The following MGAT4C variants were observed in gnomAD, a reference collection of about 807,000 sequenced individuals.
The protein encoded by MGAT4C is MGAT4 family member C.
In MGAT4C, 19 loss-of-function variants were observed where a neutral mutation model predicts 40.1. That is an observed-to-expected ratio of 0.47 (90% CI 0.33 to 0.70). MGAT4C has a LOEUF of 0.70. Ranked by LOEUF, MGAT4C falls within the 30% of genes least tolerant of loss-of-function variation. The pLI, the probability that MGAT4C is intolerant of heterozygous loss-of-function variation, is 0.02. For synonymous variants in MGAT4C, 181 were observed against 187.1 expected, an observed-to-expected ratio of 0.97 and a Z score of 0.27; for missense variants, 491 against 563.2, an observed-to-expected ratio of 0.87 and a Z score of 1.30.
At chr12:86,515,492 A>G (rs1958667333) in intron 2 of MGAT4C, among the ~76,000 whole-genome samples, 2 of 152,266 alleles carry the variant, frequency 1.3e-5, no homozygotes, top group East Asian at 3.9e-4. Flanking sequence ...CTAGCAAAGA[A>G]CAACTTAAAA....
intron 2 of MGAT4C, among the ~76,000 whole-genome samples, chr12:86,707,667 G>T (rs958225864): frequency 1.3e-5 from 2 of 151,696 alleles, no homozygotes; most frequent in Non-Finnish European, 2.9e-5. Context: ...AGTAGCTGGG[G>T]TTACAGGCAC....
chr12:86,693,287 C>T (rs1341857962), intron 2 of MGAT4C, among the ~76,000 whole-genome samples: 2 of 152,170 alleles, frequency 1.3e-5, no homozygotes, highest in Non-Finnish European at 2.9e-5. Flanking sequence ...TTAATTCATT[C>T]ATTGACCAGT....
At chr12:86,143,041 C>T (rs1883052878) in intron 1 of MGAT4C, among the ~76,000 whole-genome samples, 1 of 152,132 alleles carries the variant, frequency 6.6e-6, no homozygotes, top group African/African-American at 2.4e-5. Context: ...TGTCTATGAG[C>T]CAGAAACAGA....
chr12:86,245,964 ATATT>A (rs1639265013), intron 1 of MGAT4C, among the ~76,000 whole-genome samples: 2 of 152,192 alleles, frequency 1.3e-5, no homozygotes, highest in African/African-American at 4.8e-5. Context: ...ACAGTTTTAC[ATATT>A]TAAATTAAAA....
intron 3 of MGAT4C, among the ~76,000 whole-genome samples, chr12:86,398,722 C>T (rs1956303293): frequency 6.6e-6 from 1 of 151,758 alleles, no homozygotes; most frequent in African/African-American, 2.4e-5. Flanking sequence ...TGAGGCAGGC[C>T]TTAGAAACTA....
intron 1 of MGAT4C, among the ~76,000 whole-genome samples, chr12:86,835,336 C>CA (rs1953015291): frequency 6.6e-6 from 1 of 151,868 alleles, no homozygotes; most frequent in African/African-American, 2.4e-5. Flanking sequence ...TCACATTTGA[C>CA]AGTTTTACTC....
At chr12:86,614,342 T>C (rs1962380376) in intron 2 of MGAT4C, among the ~76,000 whole-genome samples, 1 of 152,142 alleles carries the variant, frequency 6.6e-6, no homozygotes, top group Admixed American at 6.6e-5. Flanking sequence ...CATAGCACTT[T>C]GAGAGGTGAA....
At chr12:86,452,366 C>CA (rs150953493) in intron 2 of MGAT4C, among the ~76,000 whole-genome samples, 4,448 of 151,084 alleles carry the variant, frequency 0.029, 178 homozygotes, top group African/African-American at 0.095. Context: ...CCCCACCCCA[C>CA]AACAGGCCCC....
chr12:86,648,515 G>A (rs191716824), intron 2 of MGAT4C, among the ~76,000 whole-genome samples: 12 of 151,918 alleles, frequency 7.9e-5, no homozygotes, highest in African/African-American at 2.4e-4. Flanking sequence ...CACAAGATCT[G>A]TATATCGCAT....
chr12:86,276,115 CA>C (rs138008496), intron 4 of MGAT4C, among the ~76,000 whole-genome samples: 51 of 142,376 alleles, frequency 3.6e-4, no homozygotes, highest in Non-Finnish European at 3.8e-4. Context: ...AAGACTCCGT[CA>C]AAAAAAAAAA....
At chr12:86,586,795 G>T (rs1005969959) in intron 2 of MGAT4C, among the ~76,000 whole-genome samples, 67 of 151,988 alleles carry the variant, frequency 4.4e-4, no homozygotes, top group Non-Finnish European at 8.8e-4. Context: ...TTTTGATGGG[G>T]TTGTTTGTTT....
At chr12:86,012,769 AACAACAACAACC>A (rs1888603674) in intron 2 of MGAT4C, among the ~76,000 whole-genome samples, 2 of 114,994 alleles carry the variant, frequency 1.7e-5, no homozygotes, top group East Asian at 2.4e-4. Context: ...CAACAACAAC[AACAACAACAACC>A]ACCACCACCA....
chr12:86,772,617 A>G (rs546783738), intron 1 of MGAT4C, among the ~76,000 whole-genome samples: 1 of 121,472 alleles, frequency 8.2e-6, no homozygotes, highest in South Asian at 3.4e-4. Context: ...GGCCCAAAGA[A>G]TAGGACTGCT....
At chr12:86,682,604 CA>C (rs2136582165) in intron 2 of MGAT4C, among the ~76,000 whole-genome samples, 1 of 151,960 alleles carries the variant, frequency 6.6e-6, no homozygotes, top group South Asian at 2.1e-4. Context: ...TGTGGAAGCC[CA>C]AACTAGGGAA....
chr12:86,594,954 G>T (rs554560299), intron 2 of MGAT4C, among the ~76,000 whole-genome samples: 2 of 152,182 alleles, frequency 1.3e-5, no homozygotes, highest in South Asian at 4.2e-4. Flanking sequence ...TAACTCTACT[G>T]TCTAACTTTG....
chr12:86,572,519 T>C (rs1479346721), intron 2 of MGAT4C, among the ~76,000 whole-genome samples: 1 of 152,146 alleles, frequency 6.6e-6, no homozygotes, highest in African/African-American at 2.4e-5. Context: ...CTATCATGTC[T>C]GCCTATCTTT....
At chr12:85,986,850 G>T (rs1481737981) in intron 3 of MGAT4C, among the ~76,000 whole-genome samples, 1 of 151,782 alleles carries the variant, frequency 6.6e-6, no homozygotes, top group East Asian at 1.9e-4. Flanking sequence ...TTCTTGGAGG[G>T]GGCCAGTTTC....
Position 85,969,652 on chromosome 12 carries a change from T to C in MGAT4C, c.*9637A>G, listed in dbSNP as rs2136656728. The C allele has an allele frequency of 6.6e-6, 1 of 151,738 alleles. No homozygotes were observed. The highest frequency in any genetic ancestry group is 1.9e-4 in the East Asian group (1 of 5,180). The allele number at this position is 151,738 out of a possible 1,614,324, so 9.4% of individuals were successfully genotyped here. ...ATTTAATGTTATTTTAATATAGTCA[T>C]ATCATCCAGAAAATCCCATCTTAGA... On this transcript the variant is annotated 3_prime_UTR_variant, in exon 5 of 5. Transcript: ENST00000611864.
intron 2 of MGAT4C, among the ~76,000 whole-genome samples, chr12:86,486,918 T>C (rs189834412): frequency 1.3e-5 from 2 of 152,256 alleles, no homozygotes; most frequent in Admixed American, 1.3e-4. Context: ...AATTAATCAA[T>C]CGTCAAATTT....
Sources: allele counts gnomAD v4.1 joint callset (sites outside exome capture counted in the v4.1 genomes callset), GRCh38; gene constraint gnomAD v4.1.1; transcripts MANE v1.5; gene names NCBI Gene and HGNC (gene_info 2026-07-23, HGNC 2026-07-21).